AIG1: variants seen among roughly 807,000 people sequenced by gnomAD.
The protein encoded by AIG1 is androgen-induced gene 1 protein.
A neutral mutation model predicts 31.4 loss-of-function variants in AIG1; 23 were observed. The ratio of observed to expected loss-of-function variants is 0.73; its 90% CI spans 0.53 to 1.04. The LOEUF is 1.04. AIG1 is among the 50% of genes least tolerant of loss of function. The probability of loss-of-function intolerance (pLI) is 0.00; values close to 1 mark genes in which losing one functional copy is unlikely to be tolerated. For missense variants in AIG1, 274 were observed against 295.0 expected, an observed-to-expected ratio of 0.93 and a Z score of 0.52; for synonymous variants, 100 against 110.5, an observed-to-expected ratio of 0.90 and a Z score of 0.60.
intron 4 of AIG1, among the ~76,000 whole-genome samples, chr6:143,302,316 G>A (rs541665957): frequency 1.3e-5 from 2 of 151,356 alleles, no homozygotes; most frequent in Non-Finnish European, 2.9e-5. Flanking sequence ...CTGGTGTGCT[G>A]CACCCATTAA....
At chr6:143,218,040 G>A (rs1448454630) in intron 3 of AIG1, among the ~76,000 whole-genome samples, 1 of 152,184 alleles carries the variant, frequency 6.6e-6, no homozygotes, top group Non-Finnish European at 1.5e-5. Flanking sequence ...TAGCGTGAAT[G>A]TTTTCTCATT....
intron 1 of AIG1, among the ~76,000 whole-genome samples, chr6:143,116,117 A>G (rs551894638): frequency 4.6e-5 from 7 of 152,190 alleles, no homozygotes; most frequent in Non-Finnish European, 1.0e-4. Context: ...TTCTGTTTAT[A>G]CTTATTGAAC....
At chr6:143,341,847 C>T (rs1482507707), downstream of AIG1, among the ~76,000 whole-genome samples, 1 of 152,198 alleles carries the variant, frequency 6.6e-6, no homozygotes, top group African/African-American at 2.4e-5. Context: ...GGTGGCTCCA[C>T]TGATAGCAGT....
intron 1 of AIG1, among the ~76,000 whole-genome samples, chr6:143,120,162 G>A (rs1782122665): frequency 1.3e-5 from 2 of 152,048 alleles, no homozygotes; most frequent in Admixed American, 6.5e-5. Context: ...TCGAACTCCC[G>A]ATCTCAGGTG....
intron 2 of AIG1, among the ~76,000 whole-genome samples, chr6:143,140,207 C>A (rs969709210): frequency 2.0e-5 from 3 of 152,126 alleles, no homozygotes; most frequent in Non-Finnish European, 4.4e-5. Flanking sequence ...GGGAAAAACT[C>A]GCCCCCATGA....
intron 1 of AIG1, among the ~76,000 whole-genome samples, chr6:143,090,254 A>T (rs554253933): frequency 2.0e-5 from 3 of 152,144 alleles, no homozygotes; most frequent in African/African-American, 7.2e-5. Context: ...TCATCTGAAA[A>T]TTGGGTTTGA....
chr6:143,083,221 G>A (rs769332419), intron 1 of AIG1, among the ~76,000 whole-genome samples: 8 of 152,230 alleles, frequency 5.3e-5, no homozygotes, highest in Non-Finnish European at 8.8e-5. Flanking sequence ...GCGCTTGGGT[G>A]GCTTGATGGC....
intron 3 of AIG1, among the ~76,000 whole-genome samples, chr6:143,183,545 A>G (rs1788946702): frequency 6.6e-6 from 1 of 152,176 alleles, no homozygotes; most frequent in Non-Finnish European, 1.5e-5. Context: ...CCTCTGGAGA[A>G]CTAATTTGCC....
chr6:143,131,968 A>G (rs1783285043), intron 1 of AIG1, among the ~76,000 whole-genome samples: 1 of 152,182 alleles, frequency 6.6e-6, no homozygotes, highest in Non-Finnish European at 1.5e-5. Flanking sequence ...CAATATGCAT[A>G]TTTAACTTAT....
At position 143,128,465 on chromosome 6, in the gene AIG1, A is replaced by G. The variant is rs1405491648; in HGVS notation, c.142-8370A>G. ...TTCTTGGAGAGACATGATACATTTG[A>G]CCACTTCATTTCAGCATGCAACGTA... On this transcript the variant is annotated intron_variant, in intron 1 of 5. Coordinates refer to ENST00000357847, the MANE Select transcript of AIG1 (RefSeq NM_016108.4). Among the ~76,000 whole-genome samples the G allele has an allele frequency of 2.6e-5, 4 of 152,140 alleles. No homozygotes were observed. The East Asian group carries it at 7.7e-4, about 29-fold the overall frequency.
At chr6:143,189,358 A>G in intron 3 of AIG1, 1 of 959,164 alleles carries the variant, frequency 1.0e-6, no homozygotes, top group African/African-American at 1.8e-5. Flanking sequence ...CTAGGATTAC[A>G]TGCATGAGCT....
intron 3 of AIG1, among the ~76,000 whole-genome samples, chr6:143,243,885 A>C (rs1193982649): frequency 2.6e-5 from 4 of 152,126 alleles, no homozygotes; most frequent in Non-Finnish European, 4.4e-5. Context: ...CTGCCAATAC[A>C]GACATAGCTA....
Position 143,161,779 on chromosome 6 carries a change from A to T in AIG1, c.298-3303A>T, listed in dbSNP as rs76821943. 1.3e-3 allele frequency among the ~76,000 whole-genome samples: 193 copies of T among 152,258 alleles called. 6 individuals carry two copies. The East Asian group carries it at 0.035, about 28-fold the overall frequency. ...ATGTATATAACTCCCAAATAAAGTA[A>T]GAATAGAAGAGATTTTTCTCAACTT... On this transcript the variant is annotated intron_variant, in intron 2 of 5. Transcript: ENST00000357847.
At chr6:143,255,390 G>A (rs896906460) in intron 3 of AIG1, among the ~76,000 whole-genome samples, 6 of 152,158 alleles carry the variant, frequency 3.9e-5, no homozygotes, top group South Asian at 2.1e-4. Flanking sequence ...CTGAGGCCTC[G>A]ATTCTTGGCT....
intron 3 of AIG1, among the ~76,000 whole-genome samples, chr6:143,265,644 A>G (rs754444409): frequency 3.9e-5 from 6 of 152,192 alleles, no homozygotes; most frequent in Non-Finnish European, 5.9e-5. Flanking sequence ...TTCCTCTTTA[A>G]CATGGATGCA....
At chr6:143,086,625 T>C (rs1778811121) in intron 1 of AIG1, among the ~76,000 whole-genome samples, 2 of 152,078 alleles carry the variant, frequency 1.3e-5, no homozygotes, top group African/African-American at 2.4e-5. Flanking sequence ...CCTAGGGCCC[T>C]AAGGACACAG....
intron 3 of AIG1, among the ~76,000 whole-genome samples, chr6:143,192,527 C>T (rs1442166138): frequency 6.6e-6 from 1 of 151,918 alleles, no homozygotes; most frequent in Non-Finnish European, 1.5e-5. Context: ...ATCGCTTAAA[C>T]CCAGGAGGTG....
At chr6:143,337,289 A>G (rs1021048805) in intron 5 of AIG1, among the ~76,000 whole-genome samples, 1 of 152,204 alleles carries the variant, frequency 6.6e-6, no homozygotes, top group Non-Finnish European at 1.5e-5. Flanking sequence ...GGGTCCAAGC[A>G]GTCAGACAAG....
chr6:143,097,436 A>G (rs1035242315), intron 1 of AIG1, among the ~76,000 whole-genome samples: 2 of 152,180 alleles, frequency 1.3e-5, no homozygotes, highest in African/African-American at 4.8e-5. Context: ...TGAAAAATCT[A>G]TAATCCGGAT....
Sources: allele counts gnomAD v4.1 joint callset (sites outside exome capture counted in the v4.1 genomes callset), GRCh38; gene constraint gnomAD v4.1.1; transcripts MANE v1.5; gene names NCBI Gene and HGNC (gene_info 2026-07-23, HGNC 2026-07-21).